The following DLEC1 variants were observed in gnomAD, a reference collection of about 807,000 sequenced individuals.
The protein encoded by DLEC1 is deleted in lung and esophageal cancer protein 1.
DLEC1 carries 146 observed loss-of-function variants against 198.1 expected under a neutral mutation model. The observed-to-expected ratio is 0.74, with a 90% confidence interval of 0.64 to 0.85. The LOEUF (loss-of-function observed/expected upper bound fraction) is 0.85, where lower values mean the gene tolerates loss of function less well. Ranked by LOEUF, DLEC1 falls within the 40% of genes least tolerant of loss-of-function variation. DLEC1 has a pLI of 0.00. For synonymous variants in DLEC1, 897 were observed against 866.8 expected (o/e 1.03, Z -0.61); for missense variants, 2,233 against 2,220.0 (o/e 1.01, Z -0.12).
At chr3:38,115,861 C>T (rs919919300) in intron 27 of DLEC1, among the ~76,000 whole-genome samples, 1 of 151,940 alleles carries the variant, frequency 6.6e-6, no homozygotes, top group Admixed American at 6.6e-5. Flanking sequence ...CAATGGGGAG[C>T]CCCAGCTTAG....
rs560481667 is a variant in DLEC1, at chr3:38,056,727, T to TA, written c.563-3006dup. ...TTTGTTAATAAACTAGCTTTCATCT[T>TA]AAAAAAAAAGTGAAAACAAAATCCA... On this transcript the variant is annotated intron_variant, in intron 2 of 36. Coordinates refer to ENST00000308059, the MANE Select transcript of DLEC1 (RefSeq NM_007335.4). 5.8e-3 allele frequency among the ~76,000 whole-genome samples: 885 copies of TA among 151,356 alleles called. 10 individuals carry two copies. The highest frequency in any genetic ancestry group is 9.9e-3 in the Admixed American group (150 of 15,196).
In DLEC1 at chr3:38,116,843, AG is replaced by A; in HGVS notation, c.4138del (p.Val1380CysfsTer51). On this transcript the variant is annotated frameshift_variant, in exon 29 of 37. Coordinates refer to ENST00000308059, the MANE Select transcript of DLEC1 (RefSeq NM_007335.4). LOFTEE classifies it high-confidence loss of function. ...KLISVILQAHEGVPSGHLYCI... is the reference protein window; with the variant it reads ...KLISVILQAHXGVPSGHLYCI... Reference sequence around the variant, plus strand: ...ATCTCAGTCATCCTGCAGGCACATGAGGGGGTGCCCTCCGGCCACCTGTACT... The same window carrying A: ...ATCTCAGTCATCCTGCAGGCACATGAGGGGTGCCCTCCGGCCACCTGTACT... 6.2e-7 allele frequency: 1 copy of A among 1,613,782 alleles called. No homozygotes were observed. Among genetic ancestry groups the A allele is most frequent in the Non-Finnish European group, 8.5e-7 (1 of 1,179,868 alleles).
intron 6 of DLEC1, among the ~76,000 whole-genome samples, chr3:38,078,172 C>T (rs933586275): frequency 2.0e-5 from 3 of 152,138 alleles, no homozygotes; most frequent in African/African-American, 7.2e-5. Flanking sequence ...AGGTCCGGGC[C>T]AGGAACAATG....
intron 10 of DLEC1, among the ~76,000 whole-genome samples, chr3:38,092,066 C>A (rs1267800545): frequency 2.0e-5 from 3 of 152,214 alleles, no homozygotes; most frequent in African/African-American, 7.2e-5. Flanking sequence ...CATCCTCTAA[C>A]TCCTGGGCTC....
intron 19 of DLEC1, among the ~76,000 whole-genome samples, chr3:38,102,385 C>T (rs765489679): frequency 1.3e-5 from 2 of 152,158 alleles, no homozygotes; most frequent in Non-Finnish European, 1.5e-5. Flanking sequence ...AATCATGTTT[C>T]GAAATTTCAA....
Position 38,120,450 on chromosome 3 carries a change from G to A in DLEC1, c.4707G>A (p.Val1569=), listed in dbSNP as rs1700388594. Reference sequence around the variant, plus strand: ...ACACCATGTCCACATCTGCTCAGGTGAACGTGTCCTTCTCACTCTCCCTGG... The same window carrying A: ...ACACCATGTCCACATCTGCTCAGGTAAACGTGTCCTTCTCACTCTCCCTGG... ...LVLQAQENML[V]NVSFSLSLEL... is the part of the protein sequence containing the mutation. Residue 1569 remains valine, a splice_region_variant and synonymous_variant, in exon 34 of 37, where the codon GTG becomes GTA. Transcript: ENST00000308059. 2 of 1,614,194 alleles carry A rather than the reference G, an allele frequency of 1.2e-6. No homozygotes were observed. The highest frequency in any genetic ancestry group is 1.7e-6 in the Non-Finnish European group (2 of 1,180,028).
At chr3:38,077,605 T>C (rs1439360591) in intron 6 of DLEC1, among the ~76,000 whole-genome samples, 1 of 152,202 alleles carries the variant, frequency 6.6e-6, no homozygotes, top group Non-Finnish European at 1.5e-5. Context: ...GGCTGGTCTG[T>C]TATCAGATTG....
chr3:38,062,014 T>C (rs1696711973), intron 3 of DLEC1, among the ~76,000 whole-genome samples, 155 bp from the exon 4 acceptor site: 1 of 152,188 alleles, frequency 6.6e-6, no homozygotes, highest in Non-Finnish European at 1.5e-5. Flanking sequence ...GAGTAATTCA[T>C]ATGTTGAAGA....
intron 6 of DLEC1, among the ~76,000 whole-genome samples, chr3:38,075,134 G>A (rs1034572975): frequency 1.3e-5 from 2 of 152,050 alleles, no homozygotes; most frequent in Non-Finnish European, 2.9e-5. Context: ...GCCTGTAGAA[G>A]GAAGACTGGA....
At chr3:38,052,142 T>G in intron 2 of DLEC1, 1 of 383,046 alleles carries the variant, frequency 2.6e-6, no homozygotes. Context: ...CACTCCAAGT[T>G]TTTTGAAGAG....
intron 33 of DLEC1, among the ~76,000 whole-genome samples, chr3:38,119,180 T>G (rs571636555): frequency 3.7e-4 from 57 of 152,306 alleles, no homozygotes; most frequent in African/African-American, 1.4e-3. Context: ...TTAATGGTGC[T>G]GCATCTCACC....
intron 6 of DLEC1, among the ~76,000 whole-genome samples, chr3:38,077,821 T>A (rs1016291659): frequency 1.3e-5 from 2 of 152,016 alleles, no homozygotes; most frequent in African/African-American, 4.8e-5. Flanking sequence ...ATCTTCAAGC[T>A]TGATGTGTAG....
chr3:38,106,911 C>T (rs1340826738), intron 19 of DLEC1, among the ~76,000 whole-genome samples: 4 of 152,080 alleles, frequency 2.6e-5, no homozygotes, highest in African/African-American at 9.7e-5. Flanking sequence ...AAAGAGCTTG[C>T]CCATCAAGCT....
In DLEC1 at chr3:38,117,902, G is replaced by A. The variant is rs369660043; in HGVS notation, c.4582G>A (p.Val1528Ile). The A allele has an allele frequency of 6.6e-5, 106 of 1,614,140 alleles. No homozygotes were observed. The highest frequency in any genetic ancestry group is 1.6e-4 in the African/African-American group (12 of 75,028). The change falls in exon 33 of 37, where the codon GTT becomes ATT. Residue 1528 changes from valine to isoleucine, a missense_variant. Physicochemically the swap from Val to Ile is conservative, Grantham distance 29. Coordinates refer to ENST00000308059, the MANE Select transcript of DLEC1 (RefSeq NM_007335.4). Reference protein sequence around the residue: ...FRLMVSRPFSVSQDGASQDHR... With the variant: ...FRLMVSRPFSISQDGASQDHR... Reference sequence around the variant, plus strand: ...GCTTATGGTCTCCAGGCCCTTCTCCGTTTCTCAAGATGGGGCGAGCCAGGA... The same window carrying A: ...GCTTATGGTCTCCAGGCCCTTCTCCATTTCTCAAGATGGGGCGAGCCAGGA...
intron 8 of DLEC1, among the ~76,000 whole-genome samples, 199 bp from the exon 9 acceptor site, chr3:38,086,042 G>T (rs760637220): frequency 1.3e-5 from 2 of 152,228 alleles, no homozygotes; most frequent in South Asian, 4.1e-4. Flanking sequence ...TGGCACTATT[G>T]CCATGTGGCC....
chr3:38,058,634 G>T lies in DLEC1; in HGVS notation c.563-1108G>T, dbSNP rs546266992. Among the ~76,000 whole-genome samples the T allele has an allele frequency of 2.5e-3, 381 of 152,204 alleles. 3 individuals are homozygous for T. Among genetic ancestry groups the T allele is most frequent in the African/African-American group, 8.7e-3 (361 of 41,536 alleles). ...ATAGTTTAGAAGAACTTCTAATGAAGAATAAAAAGCCTCCACCTGTACATT... is the reference window on the plus strand; with the variant it reads ...ATAGTTTAGAAGAACTTCTAATGAATAATAAAAAGCCTCCACCTGTACATT... On this transcript the variant is annotated intron_variant, in intron 2 of 36. Transcript: ENST00000308059.
In DLEC1 at chr3:38,084,515, A is replaced by AGTGGTTGTG. The variant is rs1559430613; in HGVS notation, c.1261+275_1261+276insTGTGGTGGT. On this transcript the variant is annotated intron_variant, in intron 7 of 36. Coordinates refer to ENST00000308059, the MANE Select transcript of DLEC1 (RefSeq NM_007335.4). ...TGGTAGTAGTAGTGGTAGTAGTAGT[A>AGTGGTTGTG]GTGGTAGTAGTAGTAGTGGTGGTGG... Among the ~76,000 whole-genome samples, 6 of 1,918 alleles carry AGTGGTTGTG rather than the reference A, an allele frequency of 3.1e-3. 1 individual carries two copies. The highest frequency in any genetic ancestry group is 7.3e-3 in the Non-Finnish European group (5 of 688). The allele number at this position is 1,918 out of a possible 152,430, so 1.3% of individuals were successfully genotyped here.
At chr3:38,111,849 A>C in intron 24 of DLEC1, 102 bp downstream of exon 24, 1 of 1,340,632 alleles carries the variant, frequency 7.5e-7, no homozygotes, top group Non-Finnish European at 1.0e-6. Context: ...GACCAGGACC[A>C]GAGACTGCTC....
At chr3:38,101,862 G>C (rs1386896735) in intron 19 of DLEC1, among the ~76,000 whole-genome samples, 2 of 152,148 alleles carry the variant, frequency 1.3e-5, no homozygotes, top group African/African-American at 2.4e-5. Context: ...CTCAGGGGAA[G>C]GGCTTTCTAT....
Sources: allele counts gnomAD v4.1 joint callset (sites outside exome capture counted in the v4.1 genomes callset), GRCh38; gene constraint gnomAD v4.1.1; transcripts MANE v1.5; gene names NCBI Gene and HGNC (gene_info 2026-07-23, HGNC 2026-07-21).